Variants in TBCE observed in about 807,000 individuals in gnomAD.
The protein encoded by TBCE is tubulin-specific chaperone E.
A neutral mutation model predicts 77.0 loss-of-function variants in TBCE; 53 were observed. That is an observed-to-expected ratio of 0.69 (90% CI 0.55 to 0.87). The LOEUF (loss-of-function observed/expected upper bound fraction) is 0.87, where lower values mean the gene tolerates loss of function less well. Among genes scored for constraint, TBCE ranks in the 40% least tolerant of loss-of-function variants. TBCE has a pLI of 0.00. For missense variants in TBCE, 624 were observed against 622.4 expected, an observed-to-expected ratio of 1.00 and a Z score of -0.03; for synonymous variants, 235 against 241.3, an observed-to-expected ratio of 0.97 and a Z score of 0.24.
In TBCE at chr1:235,379,956, A is replaced by AT. The variant is rs1268850504; in HGVS notation, c.-31-63_-31-62insT. On this transcript the variant is annotated intron_variant, in intron 1 of 16. Coordinates refer to ENST00000642610, the MANE Select transcript of TBCE (RefSeq NM_003193.5). ...GAGCAAGACTGTGCCTCAAAAAAAA[A>AT]AAAAAAAATTCCTTTAAAGGAATTG... 13 of 1,201,736 alleles carry AT rather than the reference A, an allele frequency of 1.1e-5. 1 individual carries two copies. The highest frequency in any genetic ancestry group is 2.0e-4 in the Middle Eastern group (1 of 5,092). The allele number at this position is 1,201,736 out of a possible 1,614,324, so 74.4% of individuals were successfully genotyped here.
chr1:235,420,481 ATT>A (rs36062739), intron 5 of TBCE, among the ~76,000 whole-genome samples: 14 of 107,072 alleles, frequency 1.3e-4, no homozygotes, highest in African/African-American at 3.8e-4. Context: ...TGTCTGGCTA[ATT>A]TTTTTTTTTT....
Position 235,379,051 on chromosome 1 carries a change from A to G in TBCE, c.-31-968A>G, listed in dbSNP as rs187322157. ...TCCCTTGGATTCCAAGGCATCAGGTAGCTGCTCTTCTTTTTTCTTTTCTGT... is the reference window on the plus strand; with the variant it reads ...TCCCTTGGATTCCAAGGCATCAGGTGGCTGCTCTTCTTTTTTCTTTTCTGT... On this transcript the variant is annotated intron_variant, in intron 1 of 16. Coordinates refer to ENST00000642610, the MANE Select transcript of TBCE (RefSeq NM_003193.5). 2.4e-4 allele frequency among the ~76,000 whole-genome samples: 36 copies of G among 152,236 alleles called. 1 individual carries two copies. The East Asian group carries it at 6.8e-3, about 29-fold the overall frequency.
chr1:235,440,898 C>G (rs762506425), intron 13 of TBCE: 2 of 152,172 alleles, frequency 1.3e-5, no homozygotes, highest in Non-Finnish European at 2.9e-5. Context: ...GATGTACTTT[C>G]CATTTTGTTT....
Position 235,441,869 on chromosome 1 carries a change from A to G in TBCE, c.1326A>G (p.Lys442=). 1 of 1,614,062 alleles carries G rather than the reference A, an allele frequency of 6.2e-7. No homozygotes were observed. The change falls in exon 14 of 17, where the codon AAA becomes AAG. Residue 442 remains lysine (K), a synonymous_variant. Transcript: ENST00000642610. ...ELKTQQPLML[K]NQLLTLKIKY... is the part of the protein sequence containing the mutation. ...AAACACAGCAACCACTTATGCTGAA[A>G]AACCAGCTACTAAGTAAGAATCTCA... is the stretch of plus-strand genomic sequence containing the variant.
In TBCE at chr1:235,401,534, C is replaced by T. The variant is rs1365984273; in HGVS notation, c.132C>T (p.Pro44=). ...GPWLGVEWDN[P]ERGKHDGSHE... ...GGTTAGGAGTAGAATGGGACAATCCCGAGAGAGGAAAGCATGATGGGAGCC... is the reference window on the plus strand; with the variant it reads ...GGTTAGGAGTAGAATGGGACAATCCTGAGAGAGGAAAGCATGATGGGAGCC... Residue 44 remains proline, a synonymous_variant, in exon 3 of 17, where the codon CCC becomes CCT. Coordinates refer to ENST00000642610, the MANE Select transcript of TBCE (RefSeq NM_003193.5). The T allele has an allele frequency of 2.5e-6, 4 of 1,613,686 alleles. No individual in the cohort carries two copies. Among genetic ancestry groups the T allele is most frequent in the Non-Finnish European group, 1.7e-6 (2 of 1,179,832 alleles).
chr1:235,380,350 T>C (rs1196968763), intron 2 of TBCE, among the ~76,000 whole-genome samples: 1 of 152,192 alleles, frequency 6.6e-6, no homozygotes, highest in Non-Finnish European at 1.5e-5. Context: ...ATCTATGATT[T>C]TGTTTAATTA....
At chr1:235,421,690 A>AGAGT (rs577750940) in intron 5 of TBCE, among the ~76,000 whole-genome samples, 97 of 152,294 alleles carry the variant, frequency 6.4e-4, no homozygotes, top group African/African-American at 2.3e-3. Context: ...CCTGGGTAAC[A>AGAGT]GAGTGAGACT....
chr1:235,447,201 C>T (rs1406572910), intron 15 of TBCE, among the ~76,000 whole-genome samples: 1 of 152,060 alleles, frequency 6.6e-6, no homozygotes, highest in African/African-American at 2.4e-5. Flanking sequence ...TCAATACATA[C>T]AAAAAGGCCA....
intron 2 of TBCE, among the ~76,000 whole-genome samples, chr1:235,391,041 T>C (rs1398479354): frequency 6.6e-6 from 1 of 152,178 alleles, no homozygotes; most frequent in Non-Finnish European, 1.5e-5. Flanking sequence ...TGTTCATTGC[T>C]ACTGGGTTGG....
intron 12 of TBCE, 126 bp from the exon 13 acceptor site, chr1:235,438,643 G>C (rs3819974): frequency 9.9e-6 from 11 of 1,109,796 alleles, no homozygotes; most frequent in Non-Finnish European, 1.3e-5. Context: ...GTGAAAACTA[G>C]ATCTTGTCCC....
intron 2 of TBCE, among the ~76,000 whole-genome samples, chr1:235,386,971 G>A (rs751387897): frequency 4.3e-4 from 65 of 152,124 alleles, no homozygotes; most frequent in Non-Finnish European, 6.2e-4. Flanking sequence ...GTACAGATGG[G>A]TTTTTGGTGT....
intron 10 of TBCE, 21 bp downstream of exon 10, chr1:235,436,471 T>C (rs759289673): frequency 1.2e-6 from 2 of 1,612,380 alleles, no homozygotes; most frequent in Non-Finnish European, 8.5e-7. Flanking sequence ...TTAGTAAAGT[T>C]CCCCACTGCC....
chr1:235,416,289 T>C (rs558556205), intron 4 of TBCE: 3 of 152,190 alleles, frequency 2.0e-5, no homozygotes, highest in Admixed American at 2.0e-4. Flanking sequence ...GTTCTTTGCT[T>C]TATTTTTTCC....
In TBCE at chr1:235,419,561, A is replaced by G. The variant is rs1473818729; in HGVS notation, c.460A>G (p.Asn154Asp). 1 of 1,613,940 alleles carries G rather than the reference A, an allele frequency of 6.2e-7. No individual in the cohort carries two copies. Among genetic ancestry groups the G allele is most frequent in the East Asian group, 2.2e-5 (1 of 44,884 alleles). The part of the protein sequence containing the change: ...EKGGVAEACP[N>D]IRKVDLSKNL... The stretch of plus-strand genomic sequence containing the variant: ...AGGAGGAGTTGCTGAAGCATGTCCT[A>G]GTATCCTTTTCACCGAGAGCTTGTT... Residue 154 changes from asparagine to aspartate, a missense_variant and splice_region_variant, in exon 5 of 17, where the codon AAT becomes GAT. Physicochemically the swap from Asn to Asp is conservative, Grantham distance 23. Coordinates refer to ENST00000642610, the MANE Select transcript of TBCE (RefSeq NM_003193.5).
chr1:235,443,874 C>T (rs1007939584), intron 15 of TBCE, among the ~76,000 whole-genome samples: 11 of 152,106 alleles, frequency 7.2e-5, no homozygotes, highest in Non-Finnish European at 1.3e-4. Flanking sequence ...TAAAGTAGAT[C>T]AACATAACTT....
chr1:235,411,003 C>T (rs1679753567), intron 3 of TBCE, among the ~76,000 whole-genome samples: 2 of 152,146 alleles, frequency 1.3e-5, no homozygotes, highest in African/African-American at 4.8e-5. Flanking sequence ...GCAATATATT[C>T]CACAACAGTA....
At chr1:235,419,878 G>A (rs1680301514) in intron 5 of TBCE, among the ~76,000 whole-genome samples, 2 of 152,018 alleles carry the variant, frequency 1.3e-5, no homozygotes. Flanking sequence ...ACGAGGTTAG[G>A]AGATCGAGAA....
chr1:235,425,332 G>A (rs534671832), intron 5 of TBCE, among the ~76,000 whole-genome samples: 66 of 152,060 alleles, frequency 4.3e-4, no homozygotes, highest in Non-Finnish European at 7.9e-4. Context: ...CAAATCCTGT[G>A]AGCCCCACTT....
At chr1:235,407,375 C>T (rs568652254) in intron 3 of TBCE, among the ~76,000 whole-genome samples, 3 of 152,154 alleles carry the variant, frequency 2.0e-5, no homozygotes, top group Non-Finnish European at 2.9e-5. Context: ...TGTTACCCGC[C>T]GTGTCCTGTC....
Sources: gnomAD v4.1 joint callset for allele counts (sites outside exome capture counted in the v4.1 genomes callset) on GRCh38, gnomAD v4.1.1 for gene constraint, MANE v1.5 for transcripts, NCBI Gene and HGNC (gene_info 2026-07-23, HGNC 2026-07-21) for gene names.